DGKB: variants seen among roughly 807,000 people sequenced by gnomAD.
DGKB encodes diacylglycerol kinase beta.
In DGKB, 67 loss-of-function variants were observed where a neutral mutation model predicts 114.3. The observed-to-expected ratio is 0.59, with a 90% CI of 0.48 to 0.72. The LOEUF is 0.72. Ranked by LOEUF, DGKB falls within the 30% of genes least tolerant of loss-of-function variation. The probability of loss-of-function intolerance (pLI) is 0.00; values close to 1 mark genes in which losing one functional copy is unlikely to be tolerated. For synonymous variants in DGKB, 398 were observed against 323.1 expected, an observed-to-expected ratio of 1.23 and a Z score of -2.49; for missense variants, 907 against 975.2, an observed-to-expected ratio of 0.93 and a Z score of 0.93.
intron 5 of DGKB, among the ~76,000 whole-genome samples, chr7:14,729,385 G>C (rs1189804878): frequency 1.3e-5 from 2 of 152,096 alleles, no homozygotes; most frequent in African/African-American, 2.4e-5. Context: ...GCCTCCCAAA[G>C]TGCTGGGATT....
chr7:14,414,464 G>T (rs544338368), intron 21 of DGKB, among the ~76,000 whole-genome samples: 1 of 152,102 alleles, frequency 6.6e-6, no homozygotes, highest in Admixed American at 6.6e-5. Flanking sequence ...TAGAAGCCAG[G>T]CACCGGGTTT....
chr7:14,241,913 G>GAC (rs1793702160), intron 23 of DGKB, among the ~76,000 whole-genome samples: 1 of 99,626 alleles, frequency 1.0e-5, no homozygotes. Flanking sequence ...ATTGCATCAA[G>GAC]ATATATACAC....
intron 1 of DGKB, among the ~76,000 whole-genome samples, chr7:14,938,206 C>G (rs1044513112): frequency 6.6e-6 from 1 of 152,160 alleles, no homozygotes; most frequent in Non-Finnish European, 1.5e-5. Flanking sequence ...CTCCTAGTCT[C>G]AGAACACACA....
At chr7:14,165,340 G>C (rs987301677) in intron 25 of DGKB, among the ~76,000 whole-genome samples, 5 of 152,234 alleles carry the variant, frequency 3.3e-5, no homozygotes, top group Admixed American at 3.3e-4. Context: ...AGAGTGGTAA[G>C]GTTGTACAAC....
chr7:14,680,793 T>C (rs1183700524), intron 12 of DGKB, among the ~76,000 whole-genome samples: 1 of 151,920 alleles, frequency 6.6e-6, no homozygotes, highest in Non-Finnish European at 1.5e-5. Context: ...TTCTAACAGC[T>C]TTGAAAGCTT....
intron 17 of DGKB, among the ~76,000 whole-genome samples, chr7:14,588,081 G>T (rs1431522): frequency 0.42 from 63,669 of 151,854 alleles, 13,640 homozygotes; most frequent in East Asian, 0.68. Flanking sequence ...CGCAAAGAAG[G>T]TGCACCAATG....
chr7:14,411,535 G>T (rs1824881048), intron 21 of DGKB, among the ~76,000 whole-genome samples: 1 of 152,026 alleles, frequency 6.6e-6, no homozygotes, highest in African/African-American at 2.4e-5. Context: ...CAGAGTTCTG[G>T]GTTCAAATTG....
At chr7:14,920,676 C>G (rs1169096792) in intron 1 of DGKB, among the ~76,000 whole-genome samples, 2 of 152,144 alleles carry the variant, frequency 1.3e-5, no homozygotes, top group African/African-American at 2.4e-5. Context: ...AAACTTATGT[C>G]CACACAAAAC....
intron 1 of DGKB, among the ~76,000 whole-genome samples, chr7:14,961,544 G>A (rs1222793877): frequency 1.3e-5 from 2 of 152,064 alleles, no homozygotes; most frequent in African/African-American, 4.8e-5. Context: ...TGAAAAGTGT[G>A]GTTGGGAGCA....
intron 8 of DGKB, among the ~76,000 whole-genome samples, 170 bp downstream of exon 8, chr7:14,697,921 GAGAA>G (rs964243557): frequency 6.9e-6 from 1 of 144,966 alleles, no homozygotes; most frequent in Non-Finnish European, 1.5e-5. Flanking sequence ...AAGGAAGAGA[GAGAA>G]AGAAAGAGGG....
chr7:14,551,504 G>A (rs570590155), intron 20 of DGKB, among the ~76,000 whole-genome samples: 1 of 152,216 alleles, frequency 6.6e-6, no homozygotes, highest in South Asian at 2.1e-4. Context: ...GTCCAAATTG[G>A]AACTTACTGG....
intron 1 of DGKB, among the ~76,000 whole-genome samples, chr7:14,857,258 T>TTGTGTGAG (rs1850300832): frequency 7.2e-6 from 1 of 138,262 alleles, no homozygotes; most frequent in African/African-American, 2.7e-5. Context: ...CTGTGTGTGT[T>TTGTGTGAG]TGTGTGTGTG....
intron 2 of DGKB, among the ~76,000 whole-genome samples, chr7:14,833,915 T>A (rs1212739428): frequency 6.6e-6 from 1 of 152,164 alleles, no homozygotes; most frequent in Non-Finnish European, 1.5e-5. Context: ...CCAAGAATCT[T>A]GCATACGTAA....
chr7:14,622,156 C>G (rs1368775483), intron 14 of DGKB, among the ~76,000 whole-genome samples: 1 of 152,114 alleles, frequency 6.6e-6, no homozygotes, highest in African/African-American at 2.4e-5. Context: ...ATCTAATGAT[C>G]AGTCTTCATC....
intron 20 of DGKB, among the ~76,000 whole-genome samples, chr7:14,488,851 A>C (rs569630361): frequency 1.5e-4 from 18 of 117,568 alleles, no homozygotes; most frequent in Admixed American, 3.3e-4. Flanking sequence ...ACAAAAAAAA[A>C]CAAAAAAAAC....
At chr7:14,591,465 G>C (rs1031752126) in intron 17 of DGKB, among the ~76,000 whole-genome samples, 1 of 151,994 alleles carries the variant, frequency 6.6e-6, no homozygotes, top group South Asian at 2.1e-4. Context: ...CACCTAGAGA[G>C]TTTCCTATGT....
chr7:14,249,377 CCTT>C (rs376904481), intron 23 of DGKB, among the ~76,000 whole-genome samples: 215 of 152,104 alleles, frequency 1.4e-3, no homozygotes, highest in Middle Eastern at 6.8e-3. Flanking sequence ...GGGAGGTATT[CCTT>C]CTTCTTCTTC....
intron 6 of DGKB, among the ~76,000 whole-genome samples, chr7:14,715,854 C>G (rs1828098341): frequency 2.0e-5 from 3 of 151,974 alleles, no homozygotes. Flanking sequence ...CTTCCAAAAC[C>G]CTATTGAGGA....
At chr7:14,962,636 T>TTGTGTGTGTGTGTGTGTTTG (rs71549905) in intron 1 of DGKB, among the ~76,000 whole-genome samples, 4 of 142,030 alleles carry the variant, frequency 2.8e-5, no homozygotes, top group African/African-American at 1.0e-4. Context: ...GTGTGTGTGT[T>TTGTGTGTGTGTGTGTGTTTG]TGTGTGTGTG....
Sources: allele counts gnomAD v4.1 joint callset (sites outside exome capture counted in the v4.1 genomes callset), GRCh38; gene constraint gnomAD v4.1.1; transcripts MANE v1.5; gene names NCBI Gene and HGNC (gene_info 2026-07-23, HGNC 2026-07-21).